Variants in PID1 observed in about 807,000 individuals in gnomAD.
PID1 encodes PTB-containing, cubilin and LRP1-interacting protein.
In PID1, 10 loss-of-function variants were observed where a neutral mutation model predicts 19.1. The ratio of observed to expected loss-of-function variants is 0.52; its 90% confidence interval spans 0.32 to 0.89. The LOEUF is 0.89. PID1 is among the 40% of genes least tolerant of loss of function. The probability of loss-of-function intolerance (pLI) is 0.03; values close to 1 mark genes in which losing one functional copy is unlikely to be tolerated. For missense variants in PID1, 248 were observed against 285.3 expected (o/e 0.87, Z 0.94); for synonymous variants, 130 against 116.0 (o/e 1.12, Z -0.78).
chr2:229,212,862 T>C (rs1055014042), intron 1 of PID1, among the ~76,000 whole-genome samples: 27 of 152,008 alleles, frequency 1.8e-4, no homozygotes, highest in African/African-American at 6.3e-4. Context: ...ATTCCAGCCA[T>C]TCTCCTGTCC....
chr2:229,251,451 C>G (rs577710012), intron 1 of PID1, among the ~76,000 whole-genome samples: 2 of 152,198 alleles, frequency 1.3e-5, no homozygotes, highest in South Asian at 4.2e-4. Flanking sequence ...CAGAACTCCC[C>G]AAGATGTGAG....
intron 1 of PID1, among the ~76,000 whole-genome samples, chr2:229,187,005 G>A (rs1246968189): frequency 6.6e-6 from 1 of 152,124 alleles, no homozygotes; most frequent in Non-Finnish European, 1.5e-5. Context: ...CTAGGGCAGG[G>A]GCAAAATGCT....
intron 1 of PID1, among the ~76,000 whole-genome samples, chr2:229,199,948 C>T (rs1691461240): frequency 6.6e-6 from 1 of 151,840 alleles, no homozygotes; most frequent in Non-Finnish European, 1.5e-5. Context: ...TATACAGATA[C>T]TTTTAATAAT....
chr2:229,184,431 C>T (rs1574701313), intron 1 of PID1, among the ~76,000 whole-genome samples: 1 of 36,510 alleles, frequency 2.7e-5, no homozygotes, highest in East Asian at 7.3e-4. Context: ...ATATATAGCC[C>T]GTATATATAT....
chr2:229,086,249 T>C (rs878872644), intron 2 of PID1, among the ~76,000 whole-genome samples: 11 of 152,284 alleles, frequency 7.2e-5, no homozygotes, highest in Admixed American at 5.9e-4. Flanking sequence ...ACATCAAAAA[T>C]GTATTAAATA....
In PID1 at chr2:229,180,994, G is replaced by A. The variant is rs568786197; in HGVS notation, c.31-25030C>T. Among the ~76,000 whole-genome samples the A allele has an allele frequency of 3.3e-5, 5 of 152,324 alleles. No homozygotes were observed. In the East Asian group the frequency reaches 5.8e-4, roughly 18 times the overall value. On this transcript the variant is annotated intron_variant, in intron 1 of 2. Transcript: ENST00000392055. ...GGGCGAACCCATTCCAGGGCACCCT[G>A]CCCTTCACAAAGAAAAGAGAACTCT...
intron 1 of PID1, among the ~76,000 whole-genome samples, chr2:229,229,912 G>A (rs761867748): frequency 1.5e-4 from 23 of 152,190 alleles, no homozygotes; most frequent in Non-Finnish European, 2.4e-4. Flanking sequence ...TGGCTTTAGA[G>A]CAGATGTTTT....
At chr2:229,126,427 A>G (rs1695624465) in intron 2 of PID1, among the ~76,000 whole-genome samples, 1 of 152,144 alleles carries the variant, frequency 6.6e-6, no homozygotes, top group Non-Finnish European at 1.5e-5. Context: ...GTCTGGCAAA[A>G]AAAAAAACCC....
At position 229,263,586 on chromosome 2, in the gene PID1, G is replaced by A. The variant is rs76199608; in HGVS notation, c.30+7428C>T. Among the ~76,000 whole-genome samples the A allele has an allele frequency of 8.5e-3, 1,291 of 152,290 alleles. 10 individuals carry two copies. The highest frequency in any genetic ancestry group is 0.012 in the Non-Finnish European group (802 of 68,022). On this transcript the variant is annotated intron_variant, in intron 1 of 2. Coordinates refer to ENST00000392055, the MANE Select transcript of PID1 (RefSeq NM_001100818.2). Reference sequence around the variant, plus strand: ...GTATGACCATCTGCTGCCTGAACAAGCTGGGGCTTCATCTGCAGAGAAAAA... The same window carrying A: ...GTATGACCATCTGCTGCCTGAACAAACTGGGGCTTCATCTGCAGAGAAAAA...
intron 2 of PID1, among the ~76,000 whole-genome samples, chr2:229,061,586 T>A (rs1574596134): frequency 6.6e-6 from 1 of 152,018 alleles, no homozygotes; most frequent in South Asian, 2.1e-4. Flanking sequence ...TTTCACTATT[T>A]GGGGTGTTTT....
At chr2:229,199,073 C>T (rs570045391) in intron 1 of PID1, among the ~76,000 whole-genome samples, 1 of 152,108 alleles carries the variant, frequency 6.6e-6, no homozygotes, top group South Asian at 2.1e-4. Context: ...GTTCTAGATA[C>T]TGTGGCCAAG....
Position 229,217,890 on chromosome 2 carries a change from A to C in PID1, c.30+53124T>G, listed in dbSNP as rs145327435. On this transcript the variant is annotated intron_variant, in intron 1 of 2. Coordinates refer to ENST00000392055, the MANE Select transcript of PID1 (RefSeq NM_001100818.2). The stretch of plus-strand genomic sequence containing the variant: ...ACCCTCCAACTACCCCAAACCAGTC[A>C]ATTTCTAACACATATTTCATTCCTC... Among the ~76,000 whole-genome samples, 832 of 152,224 alleles carry C rather than the reference A, an allele frequency of 5.5e-3. 6 individuals are homozygous for C. Among genetic ancestry groups the C allele is most frequent in the African/African-American group, 0.019 (795 of 41,528 alleles).
At chr2:229,128,081 T>A (rs150068725) in intron 2 of PID1, among the ~76,000 whole-genome samples, 240 of 152,180 alleles carry the variant, frequency 1.6e-3, no homozygotes, top group African/African-American at 5.6e-3. Context: ...GCATTTTCCT[T>A]ACGAGATTTT....
intron 1 of PID1, among the ~76,000 whole-genome samples, chr2:229,226,081 G>A (rs1041496185): frequency 3.9e-5 from 6 of 152,200 alleles, no homozygotes; most frequent in Non-Finnish European, 7.3e-5. Context: ...CCACACATCT[G>A]TAAATAGTCT....
At chr2:229,261,046 A>T (rs917525161) in intron 1 of PID1, among the ~76,000 whole-genome samples, 1 of 152,100 alleles carries the variant, frequency 6.6e-6, no homozygotes, top group East Asian at 1.9e-4. Context: ...AACAGGGGAA[A>T]TCTTGACATA....
At chr2:229,033,501 A>C (rs576812832) in intron 2 of PID1, among the ~76,000 whole-genome samples, 9 of 150,890 alleles carry the variant, frequency 6.0e-5, no homozygotes, top group Non-Finnish European at 1.3e-4. Context: ...GGACACCAGG[A>C]GGGGAACATC....
In PID1 at chr2:229,064,303, G is replaced by A. The variant is rs555644988; in HGVS notation, c.178-38195C>T. 5.3e-5 allele frequency among the ~76,000 whole-genome samples: 8 copies of A among 152,202 alleles called. No individual in the cohort carries two copies. The East Asian group carries it at 1.4e-3, about 26-fold the overall frequency. Reference sequence around the variant, plus strand: ...AAAGAAAGTGATGGGAAGTAAAATTGAGCTGGTTCATGATTGACAGAATAG... The same window carrying A: ...AAAGAAAGTGATGGGAAGTAAAATTAAGCTGGTTCATGATTGACAGAATAG... On this transcript the variant is annotated intron_variant, in intron 2 of 2. Coordinates refer to ENST00000392055, the MANE Select transcript of PID1 (RefSeq NM_001100818.2).
At chr2:229,206,105 G>A (rs1358769214) in intron 1 of PID1, among the ~76,000 whole-genome samples, 1 of 151,994 alleles carries the variant, frequency 6.6e-6, no homozygotes, top group Non-Finnish European at 1.5e-5. Context: ...TTCTTACTCA[G>A]ACCAAAAAAT....
chr2:229,097,625 A>C (rs1694996877), intron 2 of PID1, among the ~76,000 whole-genome samples: 1 of 152,200 alleles, frequency 6.6e-6, no homozygotes, highest in African/African-American at 2.4e-5. Context: ...TTAAAGACTG[A>C]AGCATAATTA....
Sources: allele counts gnomAD v4.1 joint callset (sites outside exome capture counted in the v4.1 genomes callset), GRCh38; gene constraint gnomAD v4.1.1; transcripts MANE v1.5; gene names NCBI Gene and HGNC (gene_info 2026-07-23, HGNC 2026-07-21).